COL11A1: variants seen among roughly 807,000 people sequenced by gnomAD.
COL11A1 encodes collagen alpha-1(XI) chain.
Under a neutral mutation model 265.2 loss-of-function variants are expected in COL11A1, and 74 were observed. That is an observed-to-expected ratio of 0.28 (90% CI 0.23 to 0.34). COL11A1 has a LOEUF of 0.34. Ranked by LOEUF, COL11A1 falls within the 10% of genes least tolerant of loss-of-function variation. The pLI is 1.00. For synonymous variants in COL11A1, 816 were observed against 727.6 expected (o/e 1.12, Z -1.96); for missense variants, 2,165 against 2,263.6 (o/e 0.96, Z 0.88).
intron 35 of COL11A1, 143 bp from the exon 36 acceptor site, chr1:102,975,026 C>G (rs938218865): frequency 1.5e-5 from 10 of 683,352 alleles, no homozygotes; most frequent in African/African-American, 1.1e-4. Flanking sequence ...TAATACAACA[C>G]GATAGTAAGT....
At position 102,886,796 on chromosome 1, in the gene COL11A1, T is replaced by C. The variant is rs762465465; in HGVS notation, c.4858+11A>G. On this transcript the variant is annotated intron_variant, in intron 63 of 66. Coordinates refer to ENST00000370096, the MANE Select transcript of COL11A1 (RefSeq NM_001854.4). ...TCGGTACATTTGCTTTGTCATGTAT[T>C]ATTTACATACCATCTGGGAAGTCAG... The C allele has an allele frequency of 6.2e-7, 1 of 1,613,828 alleles. No individual in the cohort carries two copies. The highest frequency in any genetic ancestry group is 1.7e-5 in the Admixed American group (1 of 60,008).
chr1:103,025,807 C>A, intron 6 of COL11A1, 194 bp from the exon 7 acceptor site: 1 of 1,613,112 alleles, frequency 6.2e-7, no homozygotes, highest in Non-Finnish European at 8.5e-7. Context: ...TACCTTTACC[C>A]CTAGTTTGGC....
intron 26 of COL11A1, among the ~76,000 whole-genome samples, chr1:102,996,440 A>T (rs751905451): frequency 4.6e-5 from 7 of 151,896 alleles, no homozygotes; most frequent in Non-Finnish European, 7.4e-5. Context: ...ATAGAAAATT[A>T]TAAATTAGTA....
chr1:102,943,209 C>T (rs1238169233), intron 42 of COL11A1, among the ~76,000 whole-genome samples: 1 of 151,970 alleles, frequency 6.6e-6, no homozygotes, highest in African/African-American at 2.4e-5. Flanking sequence ...CTATGGGTTC[C>T]ATGCCCTGCT....
chr1:103,064,068 ACTC>A (rs1670880843), intron 4 of COL11A1, among the ~76,000 whole-genome samples: 2 of 151,894 alleles, frequency 1.3e-5, no homozygotes, highest in South Asian at 2.1e-4. Flanking sequence ...GATGACAAAA[ACTC>A]CTGGAAAAGC....
chr1:103,012,777 A>G (rs1265657855), intron 13 of COL11A1, among the ~76,000 whole-genome samples: 2 of 152,206 alleles, frequency 1.3e-5, no homozygotes, highest in South Asian at 2.1e-4. Flanking sequence ...ACTATTCTGA[A>G]TTTACTCAAG....
intron 41 of COL11A1, among the ~76,000 whole-genome samples, chr1:102,961,412 G>T (rs1564143): frequency 0.59 from 89,883 of 152,010 alleles, 29,807 homozygotes; most frequent in East Asian, 0.91. Flanking sequence ...ACAAATTCAA[G>T]TCTCATCAAG....
rs1325493665 is a variant in COL11A1, at chr1:103,078,788, T to C, written c.358A>G (p.Asn120Asp). 10 of 1,612,510 alleles carry C rather than the reference T, an allele frequency of 6.2e-6. No homozygotes were observed. Among genetic ancestry groups the C allele is most frequent in the South Asian group, 1.1e-5 (1 of 91,052 alleles). Reference sequence around the variant, plus strand: ...CCAATTTGCTGAATACCATGCTCATTATATATAGATAAAAGGAAAGACTGA... The same window carrying C: ...CCAATTTGCTGAATACCATGCTCATCATATATAGATAAAAGGAAAGACTGA... The part of the protein sequence containing the change: ...GIQSFLLSIY[N>D]EHGIQQIGVE... The change falls in exon 3 of 67, where the codon AAT (asparagine) becomes GAT (aspartate). Residue 120 changes from asparagine to aspartate, a missense_variant. Physicochemically the swap from Asn to Asp is conservative, Grantham distance 23. Transcript: ENST00000370096.
chr1:102,932,461 G>A (rs891034869), intron 46 of COL11A1, among the ~76,000 whole-genome samples: 5 of 152,198 alleles, frequency 3.3e-5, no homozygotes, highest in South Asian at 2.1e-4. Context: ...CGAGAGATCC[G>A]CTGTTAGTCT....
intron 38 of COL11A1, among the ~76,000 whole-genome samples, chr1:102,964,642 G>A (rs1661235309): frequency 6.6e-6 from 1 of 151,692 alleles, no homozygotes; most frequent in South Asian, 2.1e-4. Flanking sequence ...GTGTGTCCGT[G>A]TGCGCATGTG....
At chr1:102,929,644 T>G (rs1657133705) in intron 46 of COL11A1, among the ~76,000 whole-genome samples, 1 of 152,144 alleles carries the variant, frequency 6.6e-6, no homozygotes, top group Non-Finnish European at 1.5e-5. Context: ...CATTGGTAGC[T>G]TGATGGGGAT....
intron 42 of COL11A1, among the ~76,000 whole-genome samples, chr1:102,944,640 G>A (rs1017112057): frequency 7.9e-5 from 12 of 151,800 alleles, no homozygotes; most frequent in Admixed American, 3.3e-4. Flanking sequence ...ATTTCTTATC[G>A]GTTTCAATGT....
rs1664186780 is a variant in COL11A1 at position 102,991,998 on chromosome 1, C to T, written c.2341-2427G>A. On this transcript the variant is annotated intron_variant, in intron 28 of 66. Coordinates refer to ENST00000370096, the MANE Select transcript of COL11A1 (RefSeq NM_001854.4). ...TCATTACCTCCTCCCTAGAGAAAAA[C>T]ATAATTACACAGCTGCCATGCTTAG... 2.0e-5 allele frequency among the ~76,000 whole-genome samples: 3 copies of T among 152,026 alleles called. No individual in the cohort carries two copies. The South Asian group carries it at 6.2e-4, about 31-fold the overall frequency.
At chr1:103,047,037 T>C (rs922141991) in intron 4 of COL11A1, among the ~76,000 whole-genome samples, 1 of 152,140 alleles carries the variant, frequency 6.6e-6, no homozygotes, top group African/African-American at 2.4e-5. Context: ...AGTCAGGTAG[T>C]GGGATGCCTC....
intron 1 of COL11A1, among the ~76,000 whole-genome samples, chr1:103,103,565 T>A (rs1674455856): frequency 6.6e-6 from 1 of 152,026 alleles, no homozygotes; most frequent in African/African-American, 2.4e-5. Flanking sequence ...ATTTTCTATT[T>A]AAATTTCTTT....
In COL11A1 at chr1:103,078,673, T is replaced by C; in HGVS notation, c.473A>G (p.Asn158Ser). The C allele has an allele frequency of 1.9e-6, 3 of 1,613,302 alleles. No homozygotes were observed. Among genetic ancestry groups the C allele is most frequent in the Non-Finnish European group, 1.7e-6 (2 of 1,179,488 alleles). ...TGTTACTTACTTCCCGTCAGCGATG[T>C]TAACAGTTCTGAAGAGGGGATAGTC... ...PEDYPLFRTV[N>S]IADGKWHRVA... The change falls in exon 3 of 67, where the codon AAC becomes AGC. Residue 158 changes from asparagine to serine, a missense_variant. Asn to Ser is a conservative substitution (Grantham distance 46). Coordinates refer to ENST00000370096, the MANE Select transcript of COL11A1 (RefSeq NM_001854.4).
chr1:103,025,911 A>G, intron 6 of COL11A1: 1 of 1,612,758 alleles, frequency 6.2e-7, no homozygotes, highest in South Asian at 1.1e-5. Flanking sequence ...TTGATTTAGT[A>G]GCCACTGTCC....
At chr1:103,074,530 C>A in intron 4 of COL11A1, 88 bp downstream of exon 4, 3 of 1,447,330 alleles carry the variant, frequency 2.1e-6, no homozygotes, top group Non-Finnish European at 1.9e-6. Flanking sequence ...TGCTTTATAA[C>A]GTATTGCTAT....
At position 102,953,861 on chromosome 1, in the gene COL11A1, A is replaced by G. The variant is rs555452774; in HGVS notation, c.3169-6905T>C. ...ATACTTGTCTCTCTGTAAGAAGGAT[A>G]GATATTTTACACATTGAAAGTGCTT... On this transcript the variant is annotated intron_variant, in intron 41 of 66. Transcript: ENST00000370096. Among the ~76,000 whole-genome samples, 64 of 152,330 alleles carry G rather than the reference A, an allele frequency of 4.2e-4. 1 individual carries two copies. In the South Asian group the frequency reaches 5.8e-3, roughly 14 times the overall value.
Sources: allele counts gnomAD v4.1 joint callset (sites outside exome capture counted in the v4.1 genomes callset), GRCh38; gene constraint gnomAD v4.1.1; transcripts MANE v1.5; gene names NCBI Gene and HGNC (gene_info 2026-07-23, HGNC 2026-07-21).